CNPY2: variants seen among roughly 807,000 people sequenced by gnomAD.
CNPY2 encodes canopy FGF signaling regulator 2, also known as protein canopy homolog 2.
A neutral mutation model predicts 25.5 loss-of-function variants in CNPY2; 19 were observed. The ratio of observed to expected loss-of-function variants is 0.74; its 90% CI spans 0.52 to 1.09. The LOEUF is 1.09. Among genes scored for constraint, CNPY2 ranks in the 50% least tolerant of loss-of-function variants. The pLI, the probability that CNPY2 is intolerant of heterozygous loss-of-function variation, is 0.00. For synonymous variants in CNPY2, 82 were observed against 85.0 expected (o/e 0.96, Z 0.19); for missense variants, 214 against 233.6 (o/e 0.92, Z 0.55).
chr12:56,312,749 T>C (rs1465080208), intron 3 of CNPY2: 1 of 151,974 alleles, frequency 6.6e-6, no homozygotes, highest in African/African-American at 2.4e-5. Flanking sequence ...TTTTGTATTT[T>C]TAGTAGAGAC....
At chr12:56,314,582 A>C (rs1323717851) in intron 3 of CNPY2, 1 of 1,333,246 alleles carries the variant, frequency 7.5e-7, no homozygotes, top group Non-Finnish European at 9.6e-7. Flanking sequence ...TGCTACATTA[A>C]AAACCAGTCA....
At chr12:56,315,705 G>C (rs1181655944) in intron 1 of CNPY2, 116 bp downstream of exon 1, 1 of 165,488 alleles carries the variant, frequency 6.0e-6, no homozygotes, top group Non-Finnish European at 1.3e-5. Context: ...CCTCCAGCCC[G>C]TAAGTGATTA....
intron 3 of CNPY2, chr12:56,312,860 C>T (rs867373291): frequency 2.0e-5 from 3 of 152,132 alleles, no homozygotes; most frequent in Non-Finnish European, 2.9e-5. Context: ...CATGAACCAC[C>T]GTGCCCGGCA....
chr12:56,311,166 A>G (rs559510328), intron 4 of CNPY2, 45 bp downstream of exon 4: 2 of 1,609,548 alleles, frequency 1.2e-6, no homozygotes, highest in Admixed American at 3.3e-5. Context: ...GTTCTCCAAC[A>G]ACCCCTTAAT....
At position 56,309,895 on chromosome 12, in the gene CNPY2, G is replaced by A. The variant is rs1008407116; in HGVS notation, c.*657C>T. On this transcript the variant is annotated 3_prime_UTR_variant, in exon 6 of 6. Transcript: ENST00000273308. ...CACTGGCATCAAATTTAAAAGCTTAGGCTGGCAAGCAAGGCCTCTCATTAA... is the reference window on the plus strand; with the variant it reads ...CACTGGCATCAAATTTAAAAGCTTAAGCTGGCAAGCAAGGCCTCTCATTAA... 1.4e-6 allele frequency: 1 copy of A among 701,974 alleles called. No individual in the cohort carries two copies. The highest frequency in any genetic ancestry group is 2.7e-5 in the East Asian group (1 of 37,288). 43.5% of individuals were successfully genotyped at this position (701,974 alleles called of 1,614,324 possible).
At chr12:56,311,522 C>T (rs1258466334) in intron 3 of CNPY2, 108 bp from the exon 4 acceptor site, 3 of 1,114,022 alleles carry the variant, frequency 2.7e-6, no homozygotes, top group Non-Finnish European at 4.1e-6. Context: ...TTCTAAAAAG[C>T]TTTCCCTAAT....
At position 56,314,894 on chromosome 12, in the gene CNPY2, C is replaced by T. The variant is rs1302610360; in HGVS notation, c.161G>A (p.Gly54Glu). The T allele has an allele frequency of 6.2e-7, 1 of 1,614,188 alleles. No homozygotes were observed. The highest frequency in any genetic ancestry group is 1.1e-5 in the South Asian group (1 of 91,084). The change falls in exon 3 of 6, where the codon GGA becomes GAA. Residue 54 changes from glycine to glutamate, a missense_variant. Gly to Glu is a moderately conservative substitution (Grantham distance 98, BLOSUM62 -2). Coordinates refer to ENST00000273308, the MANE Select transcript of CNPY2 (RefSeq NM_014255.7). ...GCCATCTGGATTGATCCGGAAAGATCCCATCTGAATGGTCTTCTTGGGGTC... is the reference window on the plus strand; with the variant it reads ...GCCATCTGGATTGATCCGGAAAGATTCCATCTGAATGGTCTTCTTGGGGTC... ...QVDPKKTIQMGSFRINPDGSQ... is the reference protein window; with the variant it reads ...QVDPKKTIQMESFRINPDGSQ...
chr12:56,314,750 C>G (rs1005178734), intron 3 of CNPY2, 101 bp downstream of exon 3: 1 of 1,577,260 alleles, frequency 6.3e-7, no homozygotes. Flanking sequence ...TTTTCTGAGT[C>G]TGTTTTCTTC....
chr12:56,315,285 T>C lies in CNPY2; in HGVS notation c.-25-43A>G, dbSNP rs956862357. The C allele has an allele frequency of 8.8e-6, 11 of 1,243,184 alleles. No homozygotes were observed. In the Admixed American group the frequency reaches 2.2e-4, roughly 24 times the overall value. 77.0% of individuals were successfully genotyped at this position (1,243,184 alleles called of 1,614,324 possible). A position where few individuals can be genotyped will look rare whatever the true frequency, so the allele number is the denominator to read the frequency against. ...TAAAACATAAGTGTGAGGAGCCGACTCCATTTTTCCCTGACCCCCCCAATC... is the reference window on the plus strand; with the variant it reads ...TAAAACATAAGTGTGAGGAGCCGACCCCATTTTTCCCTGACCCCCCCAATC... On this transcript the variant is annotated intron_variant, in intron 1 of 5. Coordinates refer to ENST00000273308, the MANE Select transcript of CNPY2 (RefSeq NM_014255.7).
At chr12:56,314,245 A>C (rs1468382642) in intron 3 of CNPY2, among the ~76,000 whole-genome samples, 1 of 151,834 alleles carries the variant, frequency 6.6e-6, no homozygotes, top group Non-Finnish European at 1.5e-5. Context: ...ATCACGGCTT[A>C]CTGCAGCCTC....
Position 56,314,949 on chromosome 12 carries a change from C to A in CNPY2, c.106G>T (p.Asp36Tyr). 6.2e-7 allele frequency: 1 copy of A among 1,614,166 alleles called. No individual in the cohort carries two copies. The highest frequency in any genetic ancestry group is 1.1e-5 in the South Asian group (1 of 91,080). The change falls in exon 3 of 6, where the codon GAT (aspartate) becomes TAT (tyrosine). Residue 36 changes from aspartate to tyrosine, a missense_variant. Asp to Tyr is a radical substitution (Grantham distance 160). Transcript: ENST00000273308. ...TGGGCAATTTCCCATTCTAGTTCAT[C>A]CACCAGAGCCCTGCATGCTGGTGGA... ...LHCGACRALV[D>Y]ELEWEIAQVD...
chr12:56,314,767 A>G (rs755896657), intron 3 of CNPY2, 84 bp downstream of exon 3: 23 of 1,603,620 alleles, frequency 1.4e-5, no homozygotes, highest in East Asian at 2.2e-5. Context: ...CTTCATTTCT[A>G]TTAAACCAAG....
chr12:56,314,869 G>A lies in CNPY2; in HGVS notation c.186C>T (p.Gly62=). ...CAGTTACCTCCACCACTGACTGGCT[G>A]CCATCTGGATTGATCCGGAAAGATC... ...QMGSFRINPD[G]SQSVVEVPYA... The change falls in exon 3 of 6, where the codon GGC becomes GGT. Residue 62 remains glycine (G), a synonymous_variant. Coordinates refer to ENST00000273308, the MANE Select transcript of CNPY2 (RefSeq NM_014255.7). 6.2e-7 allele frequency: 1 copy of A among 1,614,226 alleles called. No individual in the cohort carries two copies. The highest frequency in any genetic ancestry group is 8.5e-7 in the Non-Finnish European group (1 of 1,180,048).
At position 56,312,219 on chromosome 12, in the gene CNPY2, C is replaced by CTTT. The variant is rs1873739981; in HGVS notation, c.205-806_205-805insAAA. 1.8e-3 allele frequency among the ~76,000 whole-genome samples: 132 copies of CTTT among 72,638 alleles called. 1 individual carries two copies. Among genetic ancestry groups the CTTT allele is most frequent in the African/African-American group, 5.8e-3 (130 of 22,432 alleles). The allele number at this position is 72,638 out of a possible 152,430, so 47.7% of individuals were successfully genotyped here. ...TGGTTTACTTGATAGTTTCAAAGTA[C>CTTT]TTCTTTTTTTTTTTTTTTTTTTTTT... is the stretch of plus-strand genomic sequence containing the variant. On this transcript the variant is annotated intron_variant, in intron 3 of 5. Transcript: ENST00000273308.
chr12:56,315,890 G>A lies in CNPY2; in HGVS notation c.-95C>T, dbSNP rs540390640. 2 of 152,896 alleles carry A rather than the reference G, an allele frequency of 1.3e-5. No individual in the cohort carries two copies. The highest frequency in any genetic ancestry group is 3.9e-4 in the East Asian group (2 of 5,178). The allele number at this position is 152,896 out of a possible 1,614,324, so 9.5% of individuals were successfully genotyped here. On this transcript the variant is annotated 5_prime_UTR_variant, in exon 1 of 6. Coordinates refer to ENST00000273308, the MANE Select transcript of CNPY2 (RefSeq NM_014255.7). ...GCTGGACTCTCACTTTGGCCCCAGT[G>A]GCTCCCGAAACTACACCTGGCTGCA...
At chr12:56,315,082 C>G in intron 2 of CNPY2, 48 bp downstream of exon 2, 1 of 1,598,924 alleles carries the variant, frequency 6.3e-7, no homozygotes, top group Non-Finnish European at 8.6e-7. Context: ...ATCTCATGCC[C>G]TCCCAAGGCT....
chr12:56,316,007 C>G (rs945000007), upstream of CNPY2: 3 of 152,514 alleles, frequency 2.0e-5, no homozygotes, highest in African/African-American at 2.4e-5. Flanking sequence ...TCCCCTGACG[C>G]TAACTGGTAC....
In CNPY2 at chr12:56,311,053, C is replaced by T; in HGVS notation, c.410G>A (p.Cys137Tyr). ...SDISGTLKFACESIVEEYEDE... is the reference protein window; with the variant it reads ...SDISGTLKFAYESIVEEYEDE... ...CTCGTATTCCTCCACAATGCTCTCA[C>T]ACTGCCAACCCAAGGGAGAAATGGG... Residue 137 changes from cysteine to tyrosine, a missense_variant and splice_region_variant, in exon 5 of 6, where the codon TGT becomes TAT. Cys to Tyr is a radical substitution (Grantham distance 194). Coordinates refer to ENST00000273308, the MANE Select transcript of CNPY2 (RefSeq NM_014255.7). The T allele has an allele frequency of 7.4e-6, 12 of 1,614,092 alleles. No homozygotes were observed. The highest frequency in any genetic ancestry group is 1.0e-5 in the Non-Finnish European group (12 of 1,179,992).
intron 3 of CNPY2, among the ~76,000 whole-genome samples, chr12:56,313,818 G>T (rs1412324654): frequency 6.6e-6 from 1 of 151,000 alleles, no homozygotes; most frequent in Non-Finnish European, 1.5e-5. Context: ...ATGTTAGCCA[G>T]GATGGTTTCG....
Sources: gnomAD v4.1 joint callset for allele counts (sites outside exome capture counted in the v4.1 genomes callset) on GRCh38, gnomAD v4.1.1 for gene constraint, MANE v1.5 for transcripts, NCBI Gene and HGNC (gene_info 2026-07-23, HGNC 2026-07-21) for gene names.